The following BMP6 variants were observed in gnomAD, a reference collection of about 807,000 sequenced individuals.
The protein encoded by BMP6 is VG-1-R.
Under a neutral mutation model 54.1 loss-of-function variants are expected in BMP6, and 17 were observed. The ratio of observed to expected loss-of-function variants is 0.31; its 90% CI spans 0.22 to 0.47. The LOEUF is 0.47. Ranked by LOEUF, BMP6 falls within the 20% of genes least tolerant of loss-of-function variation. The pLI is 1.00. For synonymous variants in BMP6, 328 were observed against 291.2 expected (o/e 1.13, Z -1.28); for missense variants, 720 against 690.4 (o/e 1.04, Z -0.48).
chr6:7,836,028 G>A (rs754724444), intron 1 of BMP6, among the ~76,000 whole-genome samples: 4 of 151,908 alleles, frequency 2.6e-5, no homozygotes, highest in Non-Finnish European at 4.4e-5. Context: ...TTTAATAGAG[G>A]CAAGGTTTCC....
intron 1 of BMP6, among the ~76,000 whole-genome samples, chr6:7,827,247 G>A (rs1320497422): frequency 1.3e-5 from 2 of 152,190 alleles, no homozygotes; most frequent in Non-Finnish European, 2.9e-5. Context: ...CGGACCTGCT[G>A]CGCTTCAGGG....
chr6:7,767,088 G>A (rs951238981), intron 1 of BMP6, among the ~76,000 whole-genome samples: 2 of 151,294 alleles, frequency 1.3e-5, no homozygotes, highest in Non-Finnish European at 2.9e-5. Flanking sequence ...CCGGGTTCAC[G>A]CCATTCTCCT....
chr6:7,727,648 G>A (rs748041920), intron 1 of BMP6, 29 bp downstream of exon 1: 2 of 1,497,058 alleles, frequency 1.3e-6, no homozygotes. Context: ...GTAATGACGA[G>A]AACATTTCCC....
chr6:7,781,452 C>T (rs1460897232), intron 1 of BMP6, among the ~76,000 whole-genome samples: 1 of 151,462 alleles, frequency 6.6e-6, no homozygotes, highest in Non-Finnish European at 1.5e-5. Context: ...AGCAAGCACA[C>T]AGCAGGCCTG....
At chr6:7,783,567 G>T (rs1257698321) in intron 1 of BMP6, among the ~76,000 whole-genome samples, 2 of 152,218 alleles carry the variant, frequency 1.3e-5, no homozygotes, top group Non-Finnish European at 2.9e-5. Context: ...TATCAGATAC[G>T]TACGATAAAT....
chr6:7,800,912 A>AGG (rs201191015), intron 1 of BMP6, among the ~76,000 whole-genome samples: 9 of 38,206 alleles, frequency 2.4e-4, no homozygotes, highest in African/African-American at 6.1e-4. Flanking sequence ...AAGCGGGGGG[A>AGG]GGGGGGGGCA....
chr6:7,756,121 C>T (rs971153843), intron 1 of BMP6, among the ~76,000 whole-genome samples: 2 of 151,940 alleles, frequency 1.3e-5, no homozygotes, highest in Admixed American at 6.6e-5. Flanking sequence ...TTTGGCTTTC[C>T]TCTTTCGTCA....
intron 5 of BMP6, 149 bp from the exon 6 acceptor site, chr6:7,879,842 T>C (rs990440915): frequency 1.2e-6 from 1 of 811,330 alleles, no homozygotes; most frequent in African/African-American, 1.7e-5. Flanking sequence ...GCCACTTGAA[T>C]GTGAACTTGG....
chr6:7,820,644 G>A (rs1449616017), intron 1 of BMP6, among the ~76,000 whole-genome samples: 2 of 152,182 alleles, frequency 1.3e-5, no homozygotes, highest in African/African-American at 4.8e-5. Context: ...CCCCGAGGCA[G>A]GTGAGCATGC....
intron 1 of BMP6, among the ~76,000 whole-genome samples, chr6:7,822,106 C>T (rs776000434): frequency 2.9e-4 from 44 of 152,018 alleles, no homozygotes; most frequent in Non-Finnish European, 5.1e-4. Context: ...CTGCAACCTC[C>T]GCCTCCCAGG....
intron 1 of BMP6, among the ~76,000 whole-genome samples, chr6:7,800,573 TTTC>T (rs1758254597): frequency 6.6e-6 from 1 of 152,164 alleles, no homozygotes; most frequent in Non-Finnish European, 1.5e-5. Context: ...AGGTCTTTGT[TTTC>T]TTCTTATTAA....
chr6:7,778,392 T>A (rs1156258567), intron 1 of BMP6, among the ~76,000 whole-genome samples: 1 of 152,212 alleles, frequency 6.6e-6, no homozygotes, highest in East Asian at 1.9e-4. Context: ...TATTCCTATT[T>A]TAGAGATAAG....
intron 1 of BMP6, among the ~76,000 whole-genome samples, chr6:7,785,106 G>A (rs1189637487): frequency 6.6e-6 from 1 of 152,190 alleles, no homozygotes; most frequent in East Asian, 1.9e-4. Flanking sequence ...GCCCCTCAAG[G>A]TTGAAGGTGT....
At chr6:7,773,321 A>G (rs1399897726) in intron 1 of BMP6, among the ~76,000 whole-genome samples, 3 of 152,232 alleles carry the variant, frequency 2.0e-5, no homozygotes, top group Admixed American at 6.5e-5. Flanking sequence ...ATGAGTTCCC[A>G]TATTCCAAAA....
At chr6:7,793,216 A>G (rs1217127409) in intron 1 of BMP6, among the ~76,000 whole-genome samples, 3 of 152,178 alleles carry the variant, frequency 2.0e-5, no homozygotes, top group Non-Finnish European at 2.9e-5. Context: ...TGAGCTTTCA[A>G]GCTACAGAGG....
intron 1 of BMP6, among the ~76,000 whole-genome samples, chr6:7,830,900 T>C (rs1758783575): frequency 6.6e-6 from 1 of 152,156 alleles, no homozygotes; most frequent in Non-Finnish European, 1.5e-5. Flanking sequence ...GAGATTTGGG[T>C]GGGGACACAG....
intron 1 of BMP6, among the ~76,000 whole-genome samples, chr6:7,789,058 A>G (rs1239238182): frequency 6.6e-6 from 1 of 152,204 alleles, no homozygotes. Flanking sequence ...CTATGTATAC[A>G]TTGTAAGATA....
At chr6:7,731,863 G>A (rs1424209791) in intron 1 of BMP6, among the ~76,000 whole-genome samples, 1 of 152,028 alleles carries the variant, frequency 6.6e-6, no homozygotes, top group African/African-American at 2.4e-5. Context: ...TTAAATATCT[G>A]CATTTCAGAT....
At position 7,790,514 on chromosome 6, in the gene BMP6, C is replaced by CAAAAAA. The variant is rs35572440; in HGVS notation, c.665-54599_665-54594dup. Among the ~76,000 whole-genome samples the CAAAAAA allele has an allele frequency of 3.1e-4, 23 of 73,500 alleles. 1 individual carries two copies. Among genetic ancestry groups the CAAAAAA allele is most frequent in the African/African-American group, 6.9e-4 (10 of 14,468 alleles). 48.2% of individuals were successfully genotyped at this position (73,500 alleles called of 152,430 possible). A position where few individuals can be genotyped will look rare whatever the true frequency, so the allele number is the denominator to read the frequency against. On this transcript the variant is annotated intron_variant, in intron 1 of 6. Transcript: ENST00000283147. ...AGGGTGACACAGTGAGACCCTGTCT[C>CAAAAAA]AAAAAAAAAAAAAAAAAAAAAAAAA...
Sources: allele counts gnomAD v4.1 joint callset (sites outside exome capture counted in the v4.1 genomes callset), GRCh38; gene constraint gnomAD v4.1.1; transcripts MANE v1.5; gene names NCBI Gene and HGNC (gene_info 2026-07-23, HGNC 2026-07-21).